Variants in MAP3K20 observed in about 807,000 individuals in gnomAD.
The protein encoded by MAP3K20 is HCCS-4.
A neutral mutation model predicts 85.7 loss-of-function variants in MAP3K20; 40 were observed. The observed-to-expected ratio is 0.47, with a 90% CI of 0.36 to 0.61. The LOEUF (loss-of-function observed/expected upper bound fraction) is 0.61. Ranked by LOEUF, MAP3K20 falls within the 20% of genes least tolerant of loss-of-function variation. The pLI is 0.00. For synonymous variants in MAP3K20, 325 were observed against 327.7 expected, an observed-to-expected ratio of 0.99 and a Z score of 0.09; for missense variants, 817 against 961.7, an observed-to-expected ratio of 0.85 and a Z score of 1.99.
intron 18 of MAP3K20, 73 bp downstream of exon 18, chr2:173,261,210 G>A: frequency 6.7e-7 from 1 of 1,500,062 alleles, no homozygotes; most frequent in Non-Finnish European, 9.2e-7. Context: ...TTATCTCAGA[G>A]CATATAATTT....
chr2:173,222,855 G>A (rs2106322651), intron 11 of MAP3K20: 2 of 985,348 alleles, frequency 2.0e-6, no homozygotes, highest in Non-Finnish European at 2.4e-6. Flanking sequence ...GTTATCACCT[G>A]TTTGTCAAAG....
At chr2:173,164,044 C>T (rs1052930097) in intron 2 of MAP3K20, among the ~76,000 whole-genome samples, 3 of 151,934 alleles carry the variant, frequency 2.0e-5, no homozygotes, top group Non-Finnish European at 4.4e-5. Context: ...ACTGCAACCT[C>T]CGCCTCCCAG....
At chr2:173,124,803 C>A (rs1371860474) in intron 2 of MAP3K20, among the ~76,000 whole-genome samples, 1 of 152,160 alleles carries the variant, frequency 6.6e-6, no homozygotes, top group Non-Finnish European at 1.5e-5. Context: ...TACGACCCTT[C>A]CATGCCTCTA....
intron 1 of MAP3K20, among the ~76,000 whole-genome samples, chr2:173,081,035 G>A (rs77224654): frequency 0.052 from 7,864 of 152,114 alleles, 227 homozygotes; most frequent in African/African-American, 0.064. Flanking sequence ...GAATTTGTCC[G>A]TATAGCCACA....
intron 14 of MAP3K20, among the ~76,000 whole-genome samples, 167 bp from the exon 15 acceptor site, chr2:173,238,206 C>T (rs1055795847): frequency 1.1e-4 from 17 of 152,174 alleles, no homozygotes; most frequent in Non-Finnish European, 2.4e-4. Flanking sequence ...AAACCACCTA[C>T]ACTGCTTTGG....
intron 2 of MAP3K20, among the ~76,000 whole-genome samples, chr2:173,149,615 G>A (rs185787859): frequency 1.3e-5 from 2 of 152,038 alleles, no homozygotes; most frequent in Non-Finnish European, 2.9e-5. Flanking sequence ...AATAGCACAG[G>A]GGGGAGGTGG....
chr2:173,165,817 A>G (rs1689803007), intron 2 of MAP3K20, among the ~76,000 whole-genome samples: 1 of 152,132 alleles, frequency 6.6e-6, no homozygotes, highest in African/African-American at 2.4e-5. Flanking sequence ...GACCACAGGC[A>G]TGTGCCAGAA....
At chr2:173,150,024 G>T (rs1689256326) in intron 2 of MAP3K20, among the ~76,000 whole-genome samples, 1 of 152,232 alleles carries the variant, frequency 6.6e-6, no homozygotes, top group Non-Finnish European at 1.5e-5. Context: ...GAATAGTAGT[G>T]TAGTGGTGTC....
chr2:173,243,847 C>G (rs943425226), intron 16 of MAP3K20, among the ~76,000 whole-genome samples: 2 of 152,074 alleles, frequency 1.3e-5, no homozygotes, highest in African/African-American at 2.4e-5. Context: ...AGGATGGTCT[C>G]GATCTCCTGA....
chr2:173,191,120 A>G lies in MAP3K20; in HGVS notation c.525A>G (p.Pro175=). 1 of 1,614,120 alleles carries G rather than the reference A, an allele frequency of 6.2e-7. No homozygotes were observed. The highest frequency in any genetic ancestry group is 1.1e-5 in the South Asian group (1 of 91,080). ...SLVGTFPWMA[P]EVIQSLPVSE... The stretch of plus-strand genomic sequence containing the variant: ...TTGGAACTTTCCCATGGATGGCTCC[A>G]GAAGTTATCCAGAGTCTCCCTGTGT... Residue 175 remains proline, a synonymous_variant, in exon 7 of 20, where the codon CCA becomes CCG. Transcript: ENST00000375213.
In MAP3K20 at chr2:173,263,819, A is replaced by T. The variant is rs1368666756; in HGVS notation, c.1626A>T (p.Glu542Asp). Residue 542 changes from glutamate (E) to aspartate (D), a missense_variant, in exon 19 of 20, where the codon GAA (glutamate) becomes GAT (aspartate). Physicochemically the swap from Glu to Asp is conservative, Grantham distance 45 (BLOSUM62 2). This residue lies in a region of MAP3K20 where 454 missense variants were observed against 476.9 expected (regional missense o/e 0.95). Coordinates refer to ENST00000375213, the MANE Select transcript of MAP3K20 (RefSeq NM_016653.3). ...GGAGTAGAACAAAACCTCAGGATGA[A>T]GTGAAAGCAGTCCAACTTGCCATTC... ...IQWSRTKPQD[E>D]VKAVQLAIQT... is the part of the protein sequence containing the mutation. The T allele has an allele frequency of 6.2e-7, 1 of 1,613,724 alleles. No individual in the cohort carries two copies.
At chr2:173,158,894 C>T (rs912938151) in intron 2 of MAP3K20, among the ~76,000 whole-genome samples, 2 of 152,352 alleles carry the variant, frequency 1.3e-5, no homozygotes, top group South Asian at 4.1e-4. Flanking sequence ...TGTCCTAATA[C>T]AACATGGTTA....
chr2:173,216,864 A>G (rs1214161899), intron 10 of MAP3K20, among the ~76,000 whole-genome samples: 1 of 152,232 alleles, frequency 6.6e-6, no homozygotes, highest in African/African-American at 2.4e-5. Flanking sequence ...CCAGGACACC[A>G]GCTCCATAGG....
rs750517616 is a variant in MAP3K20 at position 173,266,196 on chromosome 2, C to A, written c.1849C>A (p.Arg617=). 8 of 1,613,938 alleles carry A rather than the reference C, an allele frequency of 5.0e-6. No homozygotes were observed. In the Admixed American group the frequency reaches 5.0e-5, roughly 10 times the overall value. Reference sequence around the variant, plus strand: ...GGATTCCTACGCTGCTGCTGTGAGACGGCCCCAGGTGCCCATTAAGTATCA... The same window carrying A: ...GGATTCCTACGCTGCTGCTGTGAGAAGGCCCCAGGTGCCCATTAAGTATCA... ...GQDSYAAAVR[R]PQVPIKYQQI... is the part of the protein sequence containing the mutation. The change falls in exon 20 of 20, where the codon CGG becomes AGG. Residue 617 remains arginine, a synonymous_variant. Transcript: ENST00000375213.
chr2:173,205,096 CTG>C (rs1159093318), intron 9 of MAP3K20, among the ~76,000 whole-genome samples: 1 of 123,414 alleles, frequency 8.1e-6, no homozygotes, highest in Non-Finnish European at 1.6e-5. Flanking sequence ...GAGCGAGACT[CTG>C]TCTCAAAAAA....
At chr2:173,158,223 C>T (rs1487147781) in intron 2 of MAP3K20, among the ~76,000 whole-genome samples, 2 of 152,174 alleles carry the variant, frequency 1.3e-5, no homozygotes, top group Non-Finnish European at 2.9e-5. Context: ...AGTAGGTACT[C>T]AATACATGTT....
intron 16 of MAP3K20, among the ~76,000 whole-genome samples, chr2:173,243,130 C>T (rs939262875): frequency 6.6e-6 from 1 of 152,158 alleles, no homozygotes; most frequent in East Asian, 1.9e-4. Context: ...TTTACAGAAC[C>T]TACAGCTTAT....
intron 2 of MAP3K20, among the ~76,000 whole-genome samples, chr2:173,109,038 T>G (rs983027502): frequency 1.3e-5 from 2 of 152,214 alleles, no homozygotes; most frequent in Non-Finnish European, 2.9e-5. Flanking sequence ...ATTTTCTGCT[T>G]CAACTCTCCT....
At chr2:173,175,911 CA>C (rs1690139461) in intron 3 of MAP3K20, among the ~76,000 whole-genome samples, 1 of 151,984 alleles carries the variant, frequency 6.6e-6, no homozygotes, top group East Asian at 1.9e-4. Flanking sequence ...TTTTTAAAAC[CA>C]AATGGCACTG....
Sources: allele counts gnomAD v4.1 joint callset (sites outside exome capture counted in the v4.1 genomes callset), GRCh38; gene constraint gnomAD v4.1.1; regional missense constraint gnomAD v4.1.1; transcripts MANE v1.5; gene names NCBI Gene and HGNC (gene_info 2026-07-23, HGNC 2026-07-21).